The following KCNH7 variants were observed in gnomAD, a reference collection of about 807,000 sequenced individuals.
KCNH7 encodes the protein voltage-gated inwardly rectifying potassium channel KCNH7.
Under a neutral mutation model 120.8 loss-of-function variants are expected in KCNH7, and 49 were observed. That is an observed-to-expected ratio of 0.41 (90% CI 0.32 to 0.51). The LOEUF (loss-of-function observed/expected upper bound fraction) is 0.51, where lower values mean the gene tolerates loss of function less well. Among genes scored for constraint, KCNH7 ranks in the 20% least tolerant of loss-of-function variants. The pLI is 0.38. For missense variants in KCNH7, 1,097 were observed against 1,446.6 expected (o/e 0.76, Z 3.92); for synonymous variants, 547 against 516.1 (o/e 1.06, Z -0.81).
At chr2:162,578,128 C>A (rs1334130154) in intron 2 of KCNH7, among the ~76,000 whole-genome samples, 1 of 151,920 alleles carries the variant, frequency 6.6e-6, no homozygotes, top group African/African-American at 2.4e-5. Flanking sequence ...CAAATGTGCC[C>A]TTAGTGATTT....
intron 2 of KCNH7, among the ~76,000 whole-genome samples, chr2:162,793,748 T>C (rs575939278): frequency 6.6e-5 from 10 of 152,106 alleles, no homozygotes; most frequent in African/African-American, 1.9e-4. Flanking sequence ...TGGAGTGATG[T>C]TGGTCAAATG....
At chr2:162,687,644 A>G (rs1216554714) in intron 2 of KCNH7, among the ~76,000 whole-genome samples, 2 of 152,060 alleles carry the variant, frequency 1.3e-5, no homozygotes, top group East Asian at 3.9e-4. Flanking sequence ...GCTACAAATC[A>G]CAACTCCCCC....
At chr2:162,405,667 A>T (rs1687192329) in intron 9 of KCNH7, among the ~76,000 whole-genome samples, 1 of 152,036 alleles carries the variant, frequency 6.6e-6, no homozygotes, top group Admixed American at 6.6e-5. Context: ...AATGTGTGCC[A>T]AAGTTAATAT....
chr2:162,605,657 T>C (rs573362861), intron 2 of KCNH7, among the ~76,000 whole-genome samples: 2 of 152,284 alleles, frequency 1.3e-5, no homozygotes, highest in South Asian at 2.1e-4. Context: ...TGGAAGGTGA[T>C]AGATGTGAGT....
intron 6 of KCNH7, among the ~76,000 whole-genome samples, chr2:162,458,343 T>G (rs1478442800): frequency 6.6e-6 from 1 of 152,150 alleles, no homozygotes; most frequent in East Asian, 1.9e-4. Flanking sequence ...TATATGCATA[T>G]TAAAAAATAT....
chr2:162,548,564 TG>T (rs1485778668), intron 2 of KCNH7, among the ~76,000 whole-genome samples: 1 of 151,522 alleles, frequency 6.6e-6, no homozygotes, highest in Non-Finnish European at 1.5e-5. Context: ...GGATGAAGGA[TG>T]AGGATGATGT....
At chr2:162,514,589 T>A (rs1423167170) in intron 4 of KCNH7, among the ~76,000 whole-genome samples, 1 of 151,788 alleles carries the variant, frequency 6.6e-6, no homozygotes, top group Non-Finnish European at 1.5e-5. Context: ...ATATTTAGAA[T>A]CTTTTGTAGC....
intron 3 of KCNH7, among the ~76,000 whole-genome samples, chr2:162,523,064 T>A (rs1300478820): frequency 1.3e-5 from 2 of 151,862 alleles, no homozygotes; most frequent in African/African-American, 2.4e-5. Flanking sequence ...CATGCAAAAA[T>A]GTTAAATATT....
chr2:162,584,941 C>T (rs1054324295), intron 2 of KCNH7, among the ~76,000 whole-genome samples: 1 of 147,440 alleles, frequency 6.8e-6, no homozygotes, highest in African/African-American at 2.5e-5. Context: ...AAGAGCTCTA[C>T]CTGTCTCACC....
At chr2:162,759,385 A>T (rs1390676277) in intron 2 of KCNH7, among the ~76,000 whole-genome samples, 1 of 144,686 alleles carries the variant, frequency 6.9e-6, no homozygotes, top group Non-Finnish European at 1.5e-5. Flanking sequence ...CCCAGCACTG[A>T]GGGAGTAAAC....
chr2:162,595,144 G>C (rs1227142793), intron 2 of KCNH7, among the ~76,000 whole-genome samples: 2 of 152,010 alleles, frequency 1.3e-5, no homozygotes, highest in African/African-American at 4.8e-5. Flanking sequence ...GAAGTTACTT[G>C]GTGGGGAGGC....
chr2:162,570,069 A>G (rs1693408635), intron 2 of KCNH7, among the ~76,000 whole-genome samples: 1 of 141,420 alleles, frequency 7.1e-6, no homozygotes. Context: ...AGCTGAGTTC[A>G]ATTCCTGGGT....
intron 2 of KCNH7, among the ~76,000 whole-genome samples, chr2:162,777,551 C>T (rs540860863): frequency 1.3e-5 from 2 of 152,066 alleles, no homozygotes; most frequent in Non-Finnish European, 2.9e-5. Context: ...GTTGAGGAGA[C>T]GAATATATGT....
chr2:162,620,841 T>C (rs1683328487), intron 2 of KCNH7, among the ~76,000 whole-genome samples: 1 of 152,106 alleles, frequency 6.6e-6, no homozygotes. Context: ...ACATAATTCC[T>C]TTGCTCAATA....
rs553116248 is a variant in KCNH7, at chr2:162,486,731, A to G, written c.1128+17712T>C. On this transcript the variant is annotated intron_variant, in intron 6 of 15. Coordinates refer to ENST00000332142, the MANE Select transcript of KCNH7 (RefSeq NM_033272.4). ...AGCCCACAGTTATCTATGAAAATGT[A>G]TATCCTAAAAAATCACCCCCATATT... Among the ~76,000 whole-genome samples, 16 of 152,312 alleles carry G rather than the reference A, an allele frequency of 1.1e-4. No homozygotes were observed. In the East Asian group the frequency reaches 2.3e-3, roughly 22 times the overall value.
chr2:162,600,321 G>A (rs1208892776), intron 2 of KCNH7, among the ~76,000 whole-genome samples: 1 of 152,052 alleles, frequency 6.6e-6, no homozygotes, highest in Non-Finnish European at 1.5e-5. Context: ...GCTCCAGGAA[G>A]GTGATCACCA....
intron 2 of KCNH7, among the ~76,000 whole-genome samples, chr2:162,593,271 G>T (rs902484004): frequency 6.6e-6 from 1 of 152,040 alleles, no homozygotes; most frequent in Non-Finnish European, 1.5e-5. Flanking sequence ...AATTTGCTTT[G>T]CTTCAATCAA....
intron 12 of KCNH7, among the ~76,000 whole-genome samples, chr2:162,390,386 AC>A (rs1686710931): frequency 6.6e-6 from 1 of 151,778 alleles, no homozygotes; most frequent in South Asian, 2.1e-4. Flanking sequence ...AGTGAACACA[AC>A]ATAAAATTTT....
intron 2 of KCNH7, among the ~76,000 whole-genome samples, chr2:162,613,368 A>G (rs1683032237): frequency 6.6e-6 from 1 of 152,008 alleles, no homozygotes; most frequent in Admixed American, 6.6e-5. Flanking sequence ...AATTTTATTC[A>G]AAGGAAGAAT....
Sources: allele counts gnomAD v4.1 joint callset (sites outside exome capture counted in the v4.1 genomes callset), GRCh38; gene constraint gnomAD v4.1.1; transcripts MANE v1.5; gene names NCBI Gene and HGNC (gene_info 2026-07-23, HGNC 2026-07-21).